The following PLXNA2 variants were observed in gnomAD, a reference collection of about 807,000 sequenced individuals.
PLXNA2 encodes the protein plexin A2.
PLXNA2 carries 91 observed loss-of-function variants against 193.5 expected under a neutral mutation model. That is an observed-to-expected ratio of 0.47 (90% CI 0.40 to 0.56). The LOEUF (loss-of-function observed/expected upper bound fraction) is 0.56. PLXNA2 is among the 20% of genes least tolerant of loss of function. PLXNA2 has a pLI of 0.00. For missense variants in PLXNA2, 1,995 were observed against 2,503.2 expected (o/e 0.80, Z 4.33); for synonymous variants, 997 against 1,027.3 (o/e 0.97, Z 0.56).
chr1:208,168,724 G>GTT (rs10668701), intron 3 of PLXNA2, among the ~76,000 whole-genome samples: 7,838 of 72,856 alleles, frequency 0.11, 809 homozygotes, highest in East Asian at 0.21. Context: ...AGTATGCGGG[G>GTT]TTTTTTTTTT....
chr1:208,029,999 C>T (rs1475097357), intron 29 of PLXNA2: 2 of 985,468 alleles, frequency 2.0e-6, no homozygotes, highest in East Asian at 2.3e-4. Flanking sequence ...CTCTCCCCTC[C>T]TTCATCTTCT....
At chr1:208,076,958 C>T (rs761840061) in intron 12 of PLXNA2, among the ~76,000 whole-genome samples, 4 of 151,408 alleles carry the variant, frequency 2.6e-5, no homozygotes, top group Non-Finnish European at 5.9e-5. Flanking sequence ...TTTTATAAGT[C>T]TAAAATTATT....
At chr1:208,181,693 C>T (rs1372916037) in intron 3 of PLXNA2, among the ~76,000 whole-genome samples, 1 of 152,172 alleles carries the variant, frequency 6.6e-6, no homozygotes, top group Non-Finnish European at 1.5e-5. Context: ...CTGGCAAAAC[C>T]TCCCACCTCT....
chr1:208,183,070 A>G (rs1572006558), intron 3 of PLXNA2, among the ~76,000 whole-genome samples: 1 of 152,110 alleles, frequency 6.6e-6, no homozygotes, highest in African/African-American at 2.4e-5. Flanking sequence ...TGGGATAGGG[A>G]GGGAAAGTTC....
intron 1 of PLXNA2, among the ~76,000 whole-genome samples, chr1:208,228,974 G>T (rs766532823): frequency 2.6e-5 from 4 of 152,112 alleles, no homozygotes; most frequent in African/African-American, 9.7e-5. Context: ...GCTCTTGCTG[G>T]TTTGTCCAGG....
chr1:208,091,556 C>T (rs41504744), intron 9 of PLXNA2, among the ~76,000 whole-genome samples: 1,629 of 152,172 alleles, frequency 0.011, 39 homozygotes, highest in African/African-American at 0.037. Context: ...TGTAGTCTAG[C>T]GCAAGAGGAA....
At chr1:208,126,306 GA>G (rs1667976183) in intron 4 of PLXNA2, among the ~76,000 whole-genome samples, 2 of 152,152 alleles carry the variant, frequency 1.3e-5, no homozygotes, top group Admixed American at 6.5e-5. Flanking sequence ...CCCCCATGAG[GA>G]AACCACAGGC....
chr1:208,041,695 G>A (rs941870820), intron 22 of PLXNA2, among the ~76,000 whole-genome samples: 2 of 152,336 alleles, frequency 1.3e-5, no homozygotes, highest in Non-Finnish European at 2.9e-5. Flanking sequence ...GCTAGGGGCC[G>A]CTGTGCCGGA....
rs905100 is a variant in PLXNA2, at chr1:208,038,542, T to C, written c.4661-68A>G. On this transcript the variant is annotated intron_variant, in intron 25 of 31. Coordinates refer to ENST00000367033, the MANE Select transcript of PLXNA2 (RefSeq NM_025179.4). The surrounding 1 kb of genome is among the most constrained non-coding windows in gnomAD (Gnocchi z 4.1). ...AGGGCTGTGAGCCAGTGTCTCCCGATTGCACCTTCTCTAGGGACCTGGCAA... is the reference window on the plus strand; with the variant it reads ...AGGGCTGTGAGCCAGTGTCTCCCGACTGCACCTTCTCTAGGGACCTGGCAA... 0.96 allele frequency: 1,215,394 copies of C among 1,269,666 alleles called. 583,655 individuals are homozygous for C. The highest frequency in any genetic ancestry group is 0.98 in the Non-Finnish European group (849,821 of 867,824). 78.7% of individuals were successfully genotyped at this position (1,269,666 alleles called of 1,614,324 possible).
At chr1:208,231,000 C>T (rs1671673257) in intron 1 of PLXNA2, among the ~76,000 whole-genome samples, 3 of 152,170 alleles carry the variant, frequency 2.0e-5, no homozygotes, top group Non-Finnish European at 4.4e-5. Flanking sequence ...GATGTAGAGA[C>T]ACTCGGCCTG....
At chr1:208,088,721 T>C (rs1291669756) in intron 9 of PLXNA2, among the ~76,000 whole-genome samples, 1 of 152,228 alleles carries the variant, frequency 6.6e-6, no homozygotes, top group African/African-American at 2.4e-5. Context: ...TCCTCCTCTA[T>C]AAAATGGTGC....
chr1:208,229,221 A>G (rs905776336), intron 1 of PLXNA2, among the ~76,000 whole-genome samples: 1 of 152,040 alleles, frequency 6.6e-6, no homozygotes, highest in African/African-American at 2.4e-5. Flanking sequence ...GAGAAAGGAG[A>G]TTGGAGGTGG....
In PLXNA2 at chr1:208,051,409, T is replaced by C. The variant is rs368536249; in HGVS notation, c.3008A>G (p.Glu1003Gly). 4 of 1,610,396 alleles carry C rather than the reference T, an allele frequency of 2.5e-6. 1 individual carries two copies. In the African/African-American group the frequency reaches 5.4e-5, roughly 22 times the overall value. Residue 1003 changes from glutamate to glycine, a missense_variant, in exon 16 of 32, where the codon GAG becomes GGG. Around this residue, in one of 3 missense-constraint regions of PLXNA2, gnomAD observed 1,291 missense variants for 1,673.6 expected, o/e 0.77. Transcript: ENST00000367033. ...TCEFYGRSMS[E>G]IVCVSPPSSN... ...TGATGGGGGTGAGACACACACGATC[T>C]CACTCATTGACCTCCTGACAGGGAG... is the stretch of plus-strand genomic sequence containing the variant.
intron 4 of PLXNA2, among the ~76,000 whole-genome samples, chr1:208,141,952 G>A (rs952014266): frequency 4.6e-5 from 7 of 152,244 alleles, no homozygotes; most frequent in African/African-American, 1.7e-4. Flanking sequence ...TCCCAGGAGT[G>A]GGCCCAGCCC....
rs1558165586 is a variant in PLXNA2, at chr1:208,051,087, CA to C, written c.3176del (p.Leu1059ArgfsTer32). ...CATCCAGGTTGAAGCCTGTGATGGT[CA>C]GGGGTGTGTGGCCACTGAAAACAGG... is the stretch of plus-strand genomic sequence containing the variant. ...EWSIASGHTP[L>X]TITGFNLDVI... On this transcript the variant is annotated frameshift_variant, in exon 17 of 32. Coordinates refer to ENST00000367033, the MANE Select transcript of PLXNA2 (RefSeq NM_025179.4). LOFTEE classifies it high-confidence loss of function. The C allele has an allele frequency of 6.2e-7, 1 of 1,614,032 alleles. No homozygotes were observed. Among genetic ancestry groups the C allele is most frequent in the Non-Finnish European group, 8.5e-7 (1 of 1,179,928 alleles).
intron 4 of PLXNA2, among the ~76,000 whole-genome samples, chr1:208,114,215 T>A (rs1210473637): frequency 6.6e-6 from 1 of 152,234 alleles, no homozygotes; most frequent in African/African-American, 2.4e-5. Flanking sequence ...CCTGCTCTGC[T>A]GTTGGCATTT....
At chr1:208,170,506 C>A (rs774467213) in intron 3 of PLXNA2, among the ~76,000 whole-genome samples, 20 of 152,160 alleles carry the variant, frequency 1.3e-4, no homozygotes, top group Non-Finnish European at 1.5e-5. Context: ...CCCTGTGGGG[C>A]TGGATGCCTG....
intron 3 of PLXNA2, among the ~76,000 whole-genome samples, chr1:208,173,168 C>T (rs1036530033): frequency 3.3e-5 from 5 of 152,114 alleles, no homozygotes; most frequent in African/African-American, 4.8e-5. Flanking sequence ...CCTGTCGGTG[C>T]AAGATTAAGA....
chr1:208,209,983 ATTTTTTTT>A (rs1553297870), intron 3 of PLXNA2: 3 of 87,950 alleles, frequency 3.4e-5, no homozygotes, highest in South Asian at 2.5e-4. Context: ...ATGAAGAGCA[ATTTTTTTT>A]TTTTTTTTTT....
Sources: gnomAD v4.1 joint callset for allele counts (sites outside exome capture counted in the v4.1 genomes callset) on GRCh38, gnomAD v4.1.1 for gene constraint, gnomAD v4.1.1 regional missense constraint, Gnocchi (gnomAD v3.1) non-coding constraint, MANE v1.5 for transcripts, NCBI Gene and HGNC (gene_info 2026-07-23, HGNC 2026-07-21) for gene names.